The following CDV3 variants were observed in gnomAD, a reference collection of about 807,000 sequenced individuals.
CDV3 encodes the protein protein CDV3 homolog.
CDV3 carries 14 observed loss-of-function variants against 24.5 expected under a neutral mutation model. That is an observed-to-expected ratio of 0.57 (90% CI 0.38 to 0.89). The LOEUF is 0.89. Among genes scored for constraint, CDV3 ranks in the 40% least tolerant of loss-of-function variants. The pLI is 0.00. For missense variants in CDV3, 304 were observed against 310.2 expected (o/e 0.98, Z 0.15); for synonymous variants, 114 against 114.1 (o/e 1.00, Z 0.00).
At chr3:133,581,666 C>A (rs1356893627) in intron 2 of CDV3, among the ~76,000 whole-genome samples, 1 of 152,144 alleles carries the variant, frequency 6.6e-6, no homozygotes, top group East Asian at 1.9e-4. Context: ...AACCAGGAAG[C>A]CTGACTTTAG....
rs1933813079 is a variant in CDV3 at position 133,588,298 on chromosome 3, T to TA, written c.*253dup. The TA allele has an allele frequency of 2.5e-5, 38 of 1,537,748 alleles. No individual in the cohort carries two copies. The South Asian group carries it at 4.3e-4, about 17-fold the overall frequency. On this transcript the variant is annotated 3_prime_UTR_variant, in exon 5 of 5. Transcript: ENST00000264993. ...TGTTCTTTCATATTTACTCTGCAAA[T>TA]ACAAAAAACCAAAACCTGCAGCCAG...
At chr3:133,585,486 C>CT (rs1227508904) in intron 3 of CDV3, among the ~76,000 whole-genome samples, 1 of 149,042 alleles carries the variant, frequency 6.7e-6, no homozygotes, top group Non-Finnish European at 1.5e-5. Context: ...TGGCTAGAAT[C>CT]TTTTTTTCTT....
At chr3:133,575,903 C>T (rs894968669) in intron 2 of CDV3, among the ~76,000 whole-genome samples, 4 of 152,120 alleles carry the variant, frequency 2.6e-5, no homozygotes, top group Admixed American at 6.5e-5. Flanking sequence ...AGATATGGTT[C>T]TGCTGTAAGA....
At chr3:133,580,279 GTC>G (rs2074965734) in intron 2 of CDV3, among the ~76,000 whole-genome samples, 1 of 152,180 alleles carries the variant, frequency 6.6e-6, no homozygotes, top group East Asian at 1.9e-4. Context: ...CTTTATCCAT[GTC>G]CCTGCAAAGG....
At chr3:133,586,506 C>T in intron 3 of CDV3, 57 bp from the exon 4 acceptor site, 1 of 878,174 alleles carries the variant, frequency 1.1e-6, no homozygotes, top group Non-Finnish European at 1.8e-6. Flanking sequence ...GCAAGAATAG[C>T]TTATTAAAAT....
In CDV3 at chr3:133,574,033, G is replaced by A; in HGVS notation, c.-12G>A. Reference sequence around the variant, plus strand: ...GCCGGCCCCACCCATCCGGGTCGAGGAGGCCGAGGCCATGGCTGAGACGGA... The same window carrying A: ...GCCGGCCCCACCCATCCGGGTCGAGAAGGCCGAGGCCATGGCTGAGACGGA... On this transcript the variant is annotated 5_prime_UTR_variant, in exon 1 of 5. Coordinates refer to ENST00000264993, the MANE Select transcript of CDV3 (RefSeq NM_017548.5). 6.1e-6 allele frequency: 7 copies of A among 1,138,714 alleles called. No homozygotes were observed. Among genetic ancestry groups the A allele is most frequent in the Non-Finnish European group, 7.7e-6 (7 of 911,350 alleles). The allele number at this position is 1,138,714 out of a possible 1,614,324, so 70.5% of individuals were successfully genotyped here.
At chr3:133,585,805 A>G (rs1357475704) in intron 3 of CDV3, among the ~76,000 whole-genome samples, 1 of 152,180 alleles carries the variant, frequency 6.6e-6, no homozygotes, top group Non-Finnish European at 1.5e-5. Flanking sequence ...CCCTGGCTAG[A>G]ATCTTAAAAA....
chr3:133,583,163 A>T (rs571462103), intron 2 of CDV3, among the ~76,000 whole-genome samples: 10 of 152,138 alleles, frequency 6.6e-5, no homozygotes, highest in South Asian at 4.2e-4. Flanking sequence ...GATCTTATAT[A>T]TTTTTTTTAA....
chr3:133,574,837 C>T lies in CDV3; in HGVS notation c.241-202C>T, dbSNP rs1041305143. 1.1e-4 allele frequency: 82 copies of T among 736,734 alleles called. No homozygotes were observed. In the African/African-American group the frequency reaches 1.4e-3, roughly 12 times the overall value. The allele number at this position is 736,734 out of a possible 1,614,324, so 45.6% of individuals were successfully genotyped here. ...TAACAGCTCCCATGCAGGAACCCAG[C>T]GGAAGTATAGTGTTAGCCTACGAGC... On this transcript the variant is annotated intron_variant, in intron 1 of 4. Coordinates refer to ENST00000264993, the MANE Select transcript of CDV3 (RefSeq NM_017548.5).
Position 133,574,086 on chromosome 3 carries a change from C to A in CDV3, c.42C>A (p.Ala14=), listed in dbSNP as rs866902577. 8.1e-7 allele frequency: 1 copy of A among 1,236,106 alleles called. No homozygotes were observed. Among genetic ancestry groups the A allele is most frequent in the South Asian group, 1.5e-5 (1 of 65,140 alleles). The allele number at this position is 1,236,106 out of a possible 1,614,324, so 76.6% of individuals were successfully genotyped here. A position where few individuals can be genotyped will look rare whatever the true frequency, so the allele number is the denominator to read the frequency against. ...AGCGGAGCCTGGACAACTTCTTTGC[C>A]AAGAGGGACAAGAAGAAGAAGAAGG... is the stretch of plus-strand genomic sequence containing the variant. ...TEERSLDNFF[A]KRDKKKKKER... is the part of the protein sequence containing the mutation. Residue 14 remains alanine, a synonymous_variant, in exon 1 of 5, where the codon GCC becomes GCA. Coordinates refer to ENST00000264993, the MANE Select transcript of CDV3 (RefSeq NM_017548.5).
intron 2 of CDV3, among the ~76,000 whole-genome samples, chr3:133,575,381 A>C (rs758141384): frequency 6.6e-6 from 1 of 152,248 alleles, no homozygotes; most frequent in Non-Finnish European, 1.5e-5. Context: ...AGACAGCTAA[A>C]GTGGATTTTG....
chr3:133,584,444 C>T (rs1407542431), intron 3 of CDV3, among the ~76,000 whole-genome samples: 3 of 152,098 alleles, frequency 2.0e-5, no homozygotes, highest in East Asian at 1.9e-4. Context: ...CTAATATTCT[C>T]GTTAAATATT....
intron 2 of CDV3, among the ~76,000 whole-genome samples, chr3:133,581,108 C>A (rs961734789): frequency 6.6e-6 from 1 of 151,850 alleles, no homozygotes; most frequent in African/African-American, 2.4e-5. Flanking sequence ...TGAGGCTGGG[C>A]GTGGTGGCTC....
intron 2 of CDV3, among the ~76,000 whole-genome samples, chr3:133,576,006 A>C (rs146451665): frequency 6.6e-6 from 1 of 152,378 alleles, no homozygotes; most frequent in African/African-American, 2.4e-5. Flanking sequence ...AATGCCAGTG[A>C]GTGCGAGGCA....
In CDV3 at chr3:133,588,006, T is replaced by C; in HGVS notation, c.737T>C (p.Val246Ala). The change falls in exon 5 of 5, where the codon GTG (valine) becomes GCG (alanine). Residue 246 changes from valine (V) to alanine (A), a missense_variant. Transcript: ENST00000264993. ...CTTCAGCTAGACAACCAATATGCTG[T>C]GCTTGAAAATCAGAAAAGCAGCCAC... The part of the protein sequence containing the change: ...LKLQLDNQYA[V>A]LENQKSSHSQ... 1 of 1,613,990 alleles carries C rather than the reference T, an allele frequency of 6.2e-7. No individual in the cohort carries two copies. The highest frequency in any genetic ancestry group is 8.5e-7 in the Non-Finnish European group (1 of 1,179,990).
rs933818165 is a variant in CDV3 at position 133,574,206 on chromosome 3, G to A, written c.162G>A (p.Ala54=). 11 of 1,014,242 alleles carry A rather than the reference G, an allele frequency of 1.1e-5. No homozygotes were observed. In the African/African-American group the frequency reaches 1.7e-4, roughly 16 times the overall value. The allele number at this position is 1,014,242 out of a possible 1,614,324, so 62.8% of individuals were successfully genotyped here. A position where few individuals can be genotyped will look rare whatever the true frequency, so the allele number is the denominator to read the frequency against. ...AAGAAGGGAG[A]GTRPGDGGTA... The stretch of plus-strand genomic sequence containing the variant: ...GTGCGGCGGGCGGCGGGGCGGGCGC[G>A]GGGACCCGGCCGGGTGACGGCGGGA... The change falls in exon 1 of 5, where the codon GCG becomes GCA. Residue 54 remains alanine (A), a synonymous_variant. Transcript: ENST00000264993.
intron 4 of CDV3, chr3:133,587,545 C>T (rs896349607): frequency 2.7e-6 from 3 of 1,098,252 alleles, no homozygotes; most frequent in South Asian, 8.3e-5. Context: ...AAATTGTTAC[C>T]CTTGTGCATA....
rs1282432440 is a variant in CDV3, at chr3:133,588,153, C to A, written c.*107C>A. ...TGGATCTACAGACACCGATGCAGAC[C>A]ACTCGATTTCATGACCGGCCCTATT... is the stretch of plus-strand genomic sequence containing the variant. On this transcript the variant is annotated 3_prime_UTR_variant, in exon 5 of 5. Transcript: ENST00000264993. 1.3e-6 allele frequency: 2 copies of A among 1,553,904 alleles called. No homozygotes were observed. The highest frequency in any genetic ancestry group is 1.4e-5 in the African/African-American group (1 of 72,806).
In CDV3 at chr3:133,586,620, G is replaced by T. The variant is rs779402914; in HGVS notation, c.524G>T (p.Arg175Met). 1 of 1,598,708 alleles carries T rather than the reference G, an allele frequency of 6.3e-7. No homozygotes were observed. Among genetic ancestry groups the T allele is most frequent in the South Asian group, 1.1e-5 (1 of 90,772 alleles). Residue 175 changes from arginine (R) to methionine (M), a missense_variant, in exon 4 of 5, where the codon AGG becomes ATG. By Grantham distance (91) the Arg-to-Met change is moderately conservative. Transcript: ENST00000264993. ...GGTGTGTATAGGCCTCCTGGGGCCA[G>T]GTTAACCACAACAAGGAAAACACCA... ...TSGVYRPPGA[R>M]LTTTRKTPQG...
Sources: allele counts gnomAD v4.1 joint callset (sites outside exome capture counted in the v4.1 genomes callset), GRCh38; gene constraint gnomAD v4.1.1; transcripts MANE v1.5; gene names NCBI Gene and HGNC (gene_info 2026-07-23, HGNC 2026-07-21).